The following RBMS3 variants were observed in gnomAD, a reference collection of about 807,000 sequenced individuals.
The protein encoded by RBMS3 is RNA binding motif single stranded interacting protein 3, also known as RNA-binding motif, single-stranded-interacting protein 3.
A neutral mutation model predicts 66.8 loss-of-function variants in RBMS3; 27 were observed. The ratio of observed to expected loss-of-function variants is 0.40; its 90% CI spans 0.30 to 0.56. The LOEUF (loss-of-function observed/expected upper bound fraction) is 0.56, where lower values mean the gene tolerates loss of function less well. Among genes scored for constraint, RBMS3 ranks in the 20% least tolerant of loss-of-function variants. The pLI is 0.40. For missense variants in RBMS3, 513 were observed against 549.5 expected (o/e 0.93, Z 0.66); for synonymous variants, 188 against 183.0 (o/e 1.03, Z -0.22).
chr3:29,381,387 C>T (rs1305666097), intron 1 of RBMS3, among the ~76,000 whole-genome samples: 2 of 152,116 alleles, frequency 1.3e-5, no homozygotes, highest in African/African-American at 4.8e-5. Flanking sequence ...TACCTTTTTT[C>T]TCTACTAAGG....
intron 1 of RBMS3, among the ~76,000 whole-genome samples, chr3:29,306,244 G>A (rs1204369784): frequency 6.6e-6 from 1 of 151,876 alleles, no homozygotes; most frequent in Non-Finnish European, 1.5e-5. Flanking sequence ...AAAGGGTAAG[G>A]CACCTGGACC....
chr3:29,628,116 A>G (rs1357265704), intron 4 of RBMS3, among the ~76,000 whole-genome samples: 1 of 152,192 alleles, frequency 6.6e-6, no homozygotes, highest in Non-Finnish European at 1.5e-5. Context: ...TTGTTTTAGA[A>G]GAATGTGGAG....
chr3:29,410,479 T>A (rs2040218531), intron 1 of RBMS3, among the ~76,000 whole-genome samples: 1 of 152,180 alleles, frequency 6.6e-6, no homozygotes, highest in Non-Finnish European at 1.5e-5. Context: ...CCGTGACACT[T>A]TCCCTCCTAG....
At chr3:29,734,897 G>T (rs1476114775) in intron 4 of RBMS3, among the ~76,000 whole-genome samples, 1 of 151,706 alleles carries the variant, frequency 6.6e-6, no homozygotes, top group Non-Finnish European at 1.5e-5. Context: ...ATTGATCCAT[G>T]GCATATTGGA....
intron 3 of RBMS3, among the ~76,000 whole-genome samples, chr3:29,574,124 A>G (rs1315266432): frequency 2.0e-5 from 3 of 152,124 alleles, no homozygotes; most frequent in African/African-American, 2.4e-5. Context: ...TTGAGTTTCT[A>G]TCTGGGAGAT....
intron 4 of RBMS3, among the ~76,000 whole-genome samples, chr3:29,619,240 A>G (rs1164198607): frequency 6.6e-6 from 1 of 151,480 alleles, no homozygotes; most frequent in Non-Finnish European, 1.5e-5. Context: ...TATGTGACAA[A>G]CCTGCATGTT....
At chr3:29,497,772 C>T (rs532934011) in intron 3 of RBMS3, among the ~76,000 whole-genome samples, 18 of 151,976 alleles carry the variant, frequency 1.2e-4, no homozygotes, top group African/African-American at 3.4e-4. Flanking sequence ...GGATTATTGC[C>T]GAAGTATTGA....
intron 5 of RBMS3, among the ~76,000 whole-genome samples, chr3:29,743,107 G>A (rs2054714471): frequency 6.6e-6 from 1 of 152,170 alleles, no homozygotes; most frequent in African/African-American, 2.4e-5. Context: ...ATTTGATGGG[G>A]TGAGAATATA....
chr3:29,445,259 C>T (rs2041782285), intron 2 of RBMS3, among the ~76,000 whole-genome samples: 1 of 151,948 alleles, frequency 6.6e-6, no homozygotes, highest in Non-Finnish European at 1.5e-5. Context: ...AATGTTGTGC[C>T]ACTGAGGTGA....
chr3:29,377,142 T>G (rs1417164414), intron 1 of RBMS3, among the ~76,000 whole-genome samples: 1 of 152,032 alleles, frequency 6.6e-6, no homozygotes, highest in East Asian at 1.9e-4. Flanking sequence ...TGTAATGCTA[T>G]TTGCTAAAGT....
chr3:29,434,780 C>T lies in RBMS3; in HGVS notation c.113C>T (p.Pro38Leu). 1 of 1,614,096 alleles carries T rather than the reference C, an allele frequency of 6.2e-7. No individual in the cohort carries two copies. The highest frequency in any genetic ancestry group is 1.1e-5 in the South Asian group (1 of 91,070). ...YAPAPHPMAP[P>L]SPSTNSSSNN... ...CCAGCTCCCCACCCCATGGCTCCTC[C>T]CAGCCCCAGCACAAACAGCAGCAGC... Residue 38 changes from proline (P) to leucine (L), a missense_variant, in exon 2 of 15, where the codon CCC becomes CTC. Coordinates refer to ENST00000383767, the MANE Select transcript of RBMS3 (RefSeq NM_001003793.3).
chr3:29,569,123 G>A lies in RBMS3; in HGVS notation c.308-17991G>A, dbSNP rs903100380. 4.6e-5 allele frequency among the ~76,000 whole-genome samples: 7 copies of A among 152,240 alleles called. No homozygotes were observed. The South Asian group carries it at 6.2e-4, about 14-fold the overall frequency. On this transcript the variant is annotated intron_variant, in intron 3 of 14. Coordinates refer to ENST00000383767, the MANE Select transcript of RBMS3 (RefSeq NM_001003793.3). ...CAGCAAAGTAGAAAACCTCTCAGGC[G>A]AGGTGCTTTTGATTTCTGCTTGCAG... is the stretch of plus-strand genomic sequence containing the variant.
intron 2 of RBMS3, among the ~76,000 whole-genome samples, chr3:29,485,479 T>G (rs1426319829): frequency 6.6e-6 from 1 of 152,186 alleles, no homozygotes; most frequent in Non-Finnish European, 1.5e-5. Flanking sequence ...GCTATATTTG[T>G]AGAATACATG....
At chr3:29,778,093 A>G (rs2056488915) in intron 6 of RBMS3, among the ~76,000 whole-genome samples, 1 of 151,836 alleles carries the variant, frequency 6.6e-6, no homozygotes, top group South Asian at 2.1e-4. Context: ...AGGCTGTTTT[A>G]TTTACATTTG....
At chr3:29,903,537 T>C (rs2060304668) in intron 10 of RBMS3, among the ~76,000 whole-genome samples, 1 of 152,034 alleles carries the variant, frequency 6.6e-6, no homozygotes, top group Non-Finnish European at 1.5e-5. Context: ...TACATTGCAA[T>C]GTCATATGAA....
intron 14 of RBMS3, among the ~76,000 whole-genome samples, chr3:29,995,817 C>G (rs1157606745): frequency 6.6e-6 from 1 of 152,132 alleles, no homozygotes; most frequent in Admixed American, 6.5e-5. Flanking sequence ...AAAATCATGC[C>G]AAAATGTAAA....
At chr3:29,492,066 G>C (rs938695413) in intron 3 of RBMS3, among the ~76,000 whole-genome samples, 3 of 152,052 alleles carry the variant, frequency 2.0e-5, no homozygotes, top group Admixed American at 6.5e-5. Context: ...CAAAGTGATC[G>C]TGTGTCCATT....
At chr3:29,780,723 A>G (rs2056602784) in intron 6 of RBMS3, among the ~76,000 whole-genome samples, 1 of 152,084 alleles carries the variant, frequency 6.6e-6, no homozygotes, top group Admixed American at 6.6e-5. Flanking sequence ...TATACCACTT[A>G]CTTACCTGTA....
At chr3:29,636,934 G>A (rs1338274506) in intron 4 of RBMS3, among the ~76,000 whole-genome samples, 1 of 151,782 alleles carries the variant, frequency 6.6e-6, no homozygotes, top group Non-Finnish European at 1.5e-5. Flanking sequence ...TAGCAAATGG[G>A]TCATCTCAAC....
Sources: gnomAD v4.1 joint callset for allele counts (sites outside exome capture counted in the v4.1 genomes callset) on GRCh38, gnomAD v4.1.1 for gene constraint, MANE v1.5 for transcripts, NCBI Gene and HGNC (gene_info 2026-07-23, HGNC 2026-07-21) for gene names.